The following GLG1 variants were observed in gnomAD, a reference collection of about 807,000 sequenced individuals.
GLG1 encodes Golgi apparatus protein 1.
A neutral mutation model predicts 160.5 loss-of-function variants in GLG1; 38 were observed. The observed-to-expected ratio is 0.24, with a 90% CI of 0.18 to 0.31. The LOEUF is 0.31. Among genes scored for constraint, GLG1 ranks in the 10% least tolerant of loss-of-function variants. GLG1 has a pLI of 1.00. For synonymous variants in GLG1, 644 were observed against 543.4 expected (o/e 1.19, Z -2.57); for missense variants, 1,373 against 1,505.2 (o/e 0.91, Z 1.45).
In GLG1 at chr16:74,591,560, G is replaced by A. The variant is rs550819827; in HGVS notation, c.438+15097C>T. On this transcript the variant is annotated intron_variant, in intron 1 of 25. Transcript: ENST00000422840. ...GGAGAATGGCCTGAACCCGGGAGGC[G>A]GAGCTTGCAGTGAGCCGAAATCGCA... Among the ~76,000 whole-genome samples, 10 of 151,978 alleles carry A rather than the reference G, an allele frequency of 6.6e-5. No homozygotes were observed. In the South Asian group the frequency reaches 1.0e-3, roughly 16 times the overall value.
chr16:74,467,228 A>G (rs2015032346), intron 18 of GLG1, among the ~76,000 whole-genome samples: 1 of 152,396 alleles, frequency 6.6e-6, no homozygotes, highest in Admixed American at 6.5e-5. Flanking sequence ...CCCCATGGCA[A>G]TGCCCTTAAC....
chr16:74,493,871 C>T (rs977384019), intron 6 of GLG1, among the ~76,000 whole-genome samples: 4 of 151,790 alleles, frequency 2.6e-5, no homozygotes, highest in Non-Finnish European at 4.4e-5. Context: ...TGATTTTACT[C>T]CCCAAACAAA....
chr16:74,529,200 C>T (rs1032936835), intron 2 of GLG1, among the ~76,000 whole-genome samples: 37 of 152,138 alleles, frequency 2.4e-4, no homozygotes, highest in African/African-American at 8.4e-4. Context: ...AACTCCTGAC[C>T]TCAAGTAATC....
intron 1 of GLG1, among the ~76,000 whole-genome samples, chr16:74,601,519 C>G (rs1459699035): frequency 6.6e-6 from 1 of 152,030 alleles, no homozygotes; most frequent in Non-Finnish European, 1.5e-5. Flanking sequence ...ATGGCACTGA[C>G]AGCTCTAGTC....
At chr16:74,604,353 A>T (rs761521196) in intron 1 of GLG1, among the ~76,000 whole-genome samples, 1 of 152,222 alleles carries the variant, frequency 6.6e-6, no homozygotes, top group Non-Finnish European at 1.5e-5. Flanking sequence ...AGAATTCGGA[A>T]GGGTGTGCAC....
At chr16:74,528,851 T>C (rs1285197586) in intron 2 of GLG1, among the ~76,000 whole-genome samples, 1 of 147,300 alleles carries the variant, frequency 6.8e-6, no homozygotes, top group Non-Finnish European at 1.5e-5. Context: ...TAGGTGAGTA[T>C]GGATTTCTCT....
intron 1 of GLG1, among the ~76,000 whole-genome samples, chr16:74,556,990 G>C (rs899675737): frequency 1.3e-5 from 2 of 152,022 alleles, no homozygotes; most frequent in South Asian, 2.1e-4. Context: ...CAGGAACAGT[G>C]AAGTACTTTA....
chr16:74,593,762 TC>T (rs1187023345), intron 1 of GLG1, among the ~76,000 whole-genome samples: 1 of 151,830 alleles, frequency 6.6e-6, no homozygotes, highest in African/African-American at 2.4e-5. Flanking sequence ...TAACATAATT[TC>T]TTTTGCTGTC....
intron 10 of GLG1, among the ~76,000 whole-genome samples, chr16:74,480,931 T>C (rs2015576116): frequency 6.6e-6 from 1 of 152,216 alleles, no homozygotes; most frequent in Non-Finnish European, 1.5e-5. Flanking sequence ...TATAGAAGTT[T>C]GTTAACCTTC....
At chr16:74,471,344 T>A in intron 14 of GLG1, 58 bp from the exon 15 acceptor site, 1 of 968,328 alleles carries the variant, frequency 1.0e-6, no homozygotes, top group Non-Finnish European at 1.7e-6. Flanking sequence ...ACAAAACTTG[T>A]AGCCCAGTCC....
At chr16:74,507,291 A>G (rs1280418403) in intron 3 of GLG1, among the ~76,000 whole-genome samples, 1 of 152,212 alleles carries the variant, frequency 6.6e-6, no homozygotes, top group African/African-American at 2.4e-5. Context: ...AGCCTAATGC[A>G]AAGAGTGAAA....
intron 2 of GLG1, among the ~76,000 whole-genome samples, chr16:74,511,675 G>A (rs569545317): frequency 8.0e-4 from 120 of 150,848 alleles, no homozygotes; most frequent in African/African-American, 2.9e-3. Context: ...ACAAAAGCCA[G>A]AAAAATTAAA....
chr16:74,599,820 C>T (rs1018535480), intron 1 of GLG1, among the ~76,000 whole-genome samples: 2 of 151,288 alleles, frequency 1.3e-5, no homozygotes, highest in Admixed American at 6.6e-5. Context: ...GCCGAGATCG[C>T]GCCACTGCAC....
At chr16:74,497,644 A>T (rs2016248141) in intron 4 of GLG1, among the ~76,000 whole-genome samples, 1 of 151,904 alleles carries the variant, frequency 6.6e-6, no homozygotes, top group South Asian at 2.1e-4. Flanking sequence ...TCACCGTGTT[A>T]GCCAGGATGG....
At chr16:74,517,186 C>T (rs1327755545) in intron 2 of GLG1, among the ~76,000 whole-genome samples, 1 of 152,132 alleles carries the variant, frequency 6.6e-6, no homozygotes, top group Non-Finnish European at 1.5e-5. Context: ...AGAGAGAATC[C>T]TCCCTAACTC....
Position 74,503,585 on chromosome 16 carries a change from G to A in GLG1, c.720C>T (p.Asp240=), listed in dbSNP as rs745730108. Residue 240 remains aspartate, a synonymous_variant, in exon 4 of 26, where the codon GAC becomes GAT. Coordinates refer to ENST00000422840, the MANE Select transcript of GLG1 (RefSeq NM_001145667.2). ...TCAGAATGTTGATGTCATTTTTGCA[G>A]TCATCCATGAAGCCACAGATTAAAC... ...DYRLICGFMD[D]CKNDINILKC... 3.1e-6 allele frequency: 5 copies of A among 1,613,830 alleles called. No individual in the cohort carries two copies. The Admixed American group carries it at 8.3e-5, about 27-fold the overall frequency.
At chr16:74,540,069 TA>T (rs1442401263) in intron 1 of GLG1, among the ~76,000 whole-genome samples, 40 of 1,330 alleles carry the variant, frequency 0.03, 20 homozygotes, top group Non-Finnish European at 0.061. Context: ...TATATATATA[TA>T]TTATATATAT....
intron 4 of GLG1, among the ~76,000 whole-genome samples, chr16:74,500,156 G>C (rs570264783): frequency 6.6e-6 from 1 of 152,184 alleles, no homozygotes; most frequent in African/African-American, 2.4e-5. Flanking sequence ...TAACTGAAAG[G>C]CATATAAATA....
chr16:74,510,326 C>T (rs1022964518), intron 2 of GLG1, among the ~76,000 whole-genome samples: 22 of 152,148 alleles, frequency 1.4e-4, no homozygotes, highest in African/African-American at 5.1e-4. Context: ...CCACTGCACC[C>T]AGCCCATAAG....
Sources: gnomAD v4.1 joint callset for allele counts (sites outside exome capture counted in the v4.1 genomes callset) on GRCh38, gnomAD v4.1.1 for gene constraint, MANE v1.5 for transcripts, NCBI Gene and HGNC (gene_info 2026-07-23, HGNC 2026-07-21) for gene names.